Variants in NMNAT3 observed in about 807,000 individuals in gnomAD.
The protein encoded by NMNAT3 is nicotinamide/nicotinic acid mononucleotide adenylyltransferase 3.
A neutral mutation model predicts 24.8 loss-of-function variants in NMNAT3; 21 were observed. The observed-to-expected ratio is 0.85, with a 90% confidence interval of 0.60 to 1.22. NMNAT3 has a LOEUF of 1.22. Ranked by LOEUF, NMNAT3 falls within the 50% of genes most tolerant of loss-of-function variation. NMNAT3 has a pLI of 0.00. For missense variants in NMNAT3, 387 were observed against 436.6 expected (o/e 0.89, Z 1.01); for synonymous variants, 136 against 155.2 (o/e 0.88, Z 0.92).
intron 3 of NMNAT3, among the ~76,000 whole-genome samples, chr3:139,602,929 C>T (rs2054780943): frequency 6.6e-6 from 1 of 152,178 alleles, no homozygotes; most frequent in Non-Finnish European, 1.5e-5. Context: ...CAATACAAGA[C>T]ATTTAAAATA....
At chr3:139,610,443 T>C (rs1375097467) in intron 3 of NMNAT3, among the ~76,000 whole-genome samples, 29 of 152,282 alleles carry the variant, frequency 1.9e-4, no homozygotes, top group Admixed American at 1.9e-3. Context: ...TCACATGATA[T>C]GAAAAAAAAT....
At chr3:139,587,157 G>A (rs1490359763) in intron 3 of NMNAT3, among the ~76,000 whole-genome samples, 2 of 152,228 alleles carry the variant, frequency 1.3e-5, no homozygotes, top group Non-Finnish European at 2.9e-5. Context: ...AGCAGAGAGA[G>A]CTTCAGAACA....
chr3:139,650,497 C>T (rs2057020658), intron 1 of NMNAT3, among the ~76,000 whole-genome samples: 1 of 152,160 alleles, frequency 6.6e-6, no homozygotes, highest in African/African-American at 2.4e-5. Context: ...AAGAAACTCA[C>T]TTGTAGTTGA....
intron 3 of NMNAT3, among the ~76,000 whole-genome samples, chr3:139,611,269 TAGG>T (rs1000531388): frequency 2.0e-5 from 3 of 152,152 alleles, no homozygotes; most frequent in African/African-American, 7.2e-5. Flanking sequence ...GCCACAGGAA[TAGG>T]AGATGCTTTA....
chr3:139,578,522 T>C (rs1433045873), intron 5 of NMNAT3, among the ~76,000 whole-genome samples: 1 of 152,318 alleles, frequency 6.6e-6, no homozygotes, highest in African/African-American at 2.4e-5. Flanking sequence ...GTTGTCTCCA[T>C]TTTGCAAGTG....
upstream of NMNAT3, chr3:139,678,020 G>C (rs1236897233): frequency 1.3e-5 from 2 of 150,334 alleles, no homozygotes; most frequent in Non-Finnish European, 3.0e-5. Context: ...CGGGCCCTAA[G>C]GAGACCCGGC....
At chr3:139,628,846 A>G (rs2056168351) in intron 2 of NMNAT3, among the ~76,000 whole-genome samples, 1 of 152,220 alleles carries the variant, frequency 6.6e-6, no homozygotes, top group Non-Finnish European at 1.5e-5. Context: ...TAGTGAGGAT[A>G]GTTACATATG....
intron 1 of NMNAT3, among the ~76,000 whole-genome samples, chr3:139,665,467 G>A (rs2057546540): frequency 6.6e-6 from 1 of 152,146 alleles, no homozygotes; most frequent in Non-Finnish European, 1.5e-5. Context: ...ATCTCTAGGA[G>A]CCATGGTCTG....
At chr3:139,652,121 C>T (rs758980219) in intron 1 of NMNAT3, among the ~76,000 whole-genome samples, 22 of 152,278 alleles carry the variant, frequency 1.4e-4, no homozygotes, top group Middle Eastern at 3.4e-3. Flanking sequence ...GGAAGACCAT[C>T]GTGCCCTGAG....
At chr3:139,675,750 T>C (rs1013227602) in intron 1 of NMNAT3, among the ~76,000 whole-genome samples, 4 of 152,250 alleles carry the variant, frequency 2.6e-5, no homozygotes, top group Non-Finnish European at 4.4e-5. Context: ...ATAGTAGTAG[T>C]ATCCTCCCAC....
Position 139,596,951 on chromosome 3 carries a change from TA to T in NMNAT3, c.110-13744del, listed in dbSNP as rs1559891176. ...ATATATATATATATATATATATATA[TA>T]TATATATATATATTTTTATTACATT... is the stretch of plus-strand genomic sequence containing the variant. On this transcript the variant is annotated intron_variant, in intron 3 of 6. Coordinates refer to ENST00000643695, the MANE Select transcript of NMNAT3 (RefSeq NM_001320510.2). 2.5e-3 allele frequency among the ~76,000 whole-genome samples: 291 copies of T among 114,554 alleles called. 2 individuals are homozygous for T. Among genetic ancestry groups the T allele is most frequent in the African/African-American group, 0.012 (270 of 22,682 alleles). 75.2% of individuals were successfully genotyped at this position (114,554 alleles called of 152,430 possible).
At chr3:139,669,444 T>C (rs2057686630) in intron 1 of NMNAT3, among the ~76,000 whole-genome samples, 1 of 132,380 alleles carries the variant, frequency 7.6e-6, no homozygotes, top group South Asian at 2.5e-4. Context: ...GCCACTGCAT[T>C]CCAGCCTGGG....
chr3:139,603,742 AATG>A (rs757357208), intron 3 of NMNAT3, among the ~76,000 whole-genome samples: 12 of 152,158 alleles, frequency 7.9e-5, no homozygotes, highest in Middle Eastern at 3.4e-3. Context: ...CCAACTAACC[AATG>A]CTGCTGCCAT....
chr3:139,621,948 G>A (rs1037730866), intron 3 of NMNAT3, among the ~76,000 whole-genome samples: 1 of 152,142 alleles, frequency 6.6e-6, no homozygotes, highest in Admixed American at 6.6e-5. Context: ...ATTCCATTAT[G>A]TATATATACC....
At chr3:139,600,146 A>G (rs2054647105) in intron 3 of NMNAT3, among the ~76,000 whole-genome samples, 1 of 152,174 alleles carries the variant, frequency 6.6e-6, no homozygotes, top group Non-Finnish European at 1.5e-5. Flanking sequence ...GGTCTTCAGA[A>G]TCTTTCAGTG....
intron 1 of NMNAT3, among the ~76,000 whole-genome samples, chr3:139,669,700 C>T (rs576238943): frequency 2.6e-5 from 4 of 152,178 alleles, no homozygotes; most frequent in African/African-American, 9.6e-5. Flanking sequence ...AATTTTCTGC[C>T]ATCCTCTTGT....
intron 4 of NMNAT3, among the ~76,000 whole-genome samples, chr3:139,579,637 G>C (rs1021952637): frequency 6.6e-6 from 1 of 152,178 alleles, no homozygotes; most frequent in Non-Finnish European, 1.5e-5. Flanking sequence ...GCCATGGACT[G>C]TGCTCACTAA....
intron 4 of NMNAT3, among the ~76,000 whole-genome samples, chr3:139,582,190 C>CAAAAAAAAAAAAAAAAAAAAAA (rs756159164): frequency 1.3e-4 from 3 of 23,074 alleles, no homozygotes; most frequent in Non-Finnish European, 1.8e-4. Context: ...GACTCCCTCT[C>CAAAAAAAAAAAAAAAAAAAAAA]AAAAAAAAAA....
chr3:139,607,141 A>G (rs2054983016), intron 3 of NMNAT3, among the ~76,000 whole-genome samples: 1 of 151,404 alleles, frequency 6.6e-6, no homozygotes, highest in South Asian at 2.1e-4. Flanking sequence ...AAAATTTTAT[A>G]TAAATATATA....
Sources: gnomAD v4.1 joint callset for allele counts (sites outside exome capture counted in the v4.1 genomes callset) on GRCh38, gnomAD v4.1.1 for gene constraint, MANE v1.5 for transcripts, NCBI Gene and HGNC (gene_info 2026-07-23, HGNC 2026-07-21) for gene names.